PLEKHM2: variants seen among roughly 807,000 people sequenced by gnomAD.
PLEKHM2 encodes the protein pleckstrin homology domain-containing family M member 2.
In PLEKHM2, 77 loss-of-function variants were observed where a neutral mutation model predicts 116.3. That is an observed-to-expected ratio of 0.66 (90% CI 0.55 to 0.80). The LOEUF (loss-of-function observed/expected upper bound fraction) is 0.80, where lower values mean the gene tolerates loss of function less well. Ranked by LOEUF, PLEKHM2 falls within the 30% of genes least tolerant of loss-of-function variation. PLEKHM2 has a pLI of 0.00. For synonymous variants in PLEKHM2, 562 were observed against 571.0 expected, an observed-to-expected ratio of 0.98 and a Z score of 0.22; for missense variants, 1,183 against 1,354.9, an observed-to-expected ratio of 0.87 and a Z score of 1.99.
chr1:15,691,584 C>T (rs1031078350), intron 1 of PLEKHM2, among the ~76,000 whole-genome samples: 7 of 152,272 alleles, frequency 4.6e-5, no homozygotes, highest in Middle Eastern at 3.4e-3. Flanking sequence ...GCCTCACCGG[C>T]GTCGGCTCTG....
intron 1 of PLEKHM2, among the ~76,000 whole-genome samples, chr1:15,702,490 A>G (rs1291662844): frequency 1.3e-5 from 2 of 151,610 alleles, no homozygotes; most frequent in African/African-American, 2.4e-5. Context: ...ATCTCAGCTC[A>G]CTGTAACCTC....
Position 15,711,609 on chromosome 1 carries a change from T to C in PLEKHM2, c.61-4628T>C, listed in dbSNP as rs1174677339. The stretch of plus-strand genomic sequence containing the variant: ...TCCAGCCTGGGCAACAGAGCGAGGC[T>C]CCATCTCAAAAAAAAAAAAGAAAAA... On this transcript the variant is annotated intron_variant, in intron 1 of 19. Coordinates refer to ENST00000375799, the MANE Select transcript of PLEKHM2 (RefSeq NM_015164.4). 2.7e-5 allele frequency among the ~76,000 whole-genome samples: 4 copies of C among 146,194 alleles called. No homozygotes were observed. The East Asian group carries it at 8.1e-4, about 30-fold the overall frequency.
intron 7 of PLEKHM2, among the ~76,000 whole-genome samples, chr1:15,723,775 G>T (rs545176947): frequency 2.6e-4 from 39 of 151,690 alleles, no homozygotes; most frequent in African/African-American, 9.2e-4. Context: ...AAAAAGGACG[G>T]TGTGCTGCAT....
intron 1 of PLEKHM2, among the ~76,000 whole-genome samples, chr1:15,713,743 C>T (rs544169192): frequency 4.0e-5 from 6 of 151,576 alleles, no homozygotes; most frequent in African/African-American, 1.2e-4. Context: ...TCCTGCCATT[C>T]TCCTGCCTCA....
At chr1:15,722,127 G>T (rs2068003874) in intron 7 of PLEKHM2, among the ~76,000 whole-genome samples, 1 of 152,186 alleles carries the variant, frequency 6.6e-6, no homozygotes, top group African/African-American at 2.4e-5. Context: ...GCAGATCCCT[G>T]TTATTTTACT....
chr1:15,721,243 T>TA lies in PLEKHM2; in HGVS notation c.653-86_653-85insA. Reference sequence around the variant, plus strand: ...TCCTCTCCTATTTTCTCCCCATGTCTCCCACCCCATTTCCCCTCCCCTCCC... The same window carrying TA: ...TCCTCTCCTATTTTCTCCCCATGTCTACCCACCCCATTTCCCCTCCCCTCCC... On this transcript the variant is annotated intron_variant, in intron 6 of 19. Transcript: ENST00000375799. This position sits in a 1 kb window ranked among gnomAD's most constrained non-coding sequence, Gnocchi z 5.1. The TA allele has an allele frequency of 2.7e-6, 2 of 737,952 alleles. No homozygotes were observed. The highest frequency in any genetic ancestry group is 4.8e-6 in the Non-Finnish European group (2 of 419,354). The allele number at this position is 737,952 out of a possible 1,614,324, so 45.7% of individuals were successfully genotyped here. A position where few individuals can be genotyped will look rare whatever the true frequency, so the allele number is the denominator to read the frequency against.
chr1:15,716,220 G>GTTTTTTTTTTTTTTTTTTTTTTTTTTTTT lies in PLEKHM2; in HGVS notation c.61-8_61-7insTTTTTTTTTTTTTTTTTTTTTTTTTTTTT. 1 of 1,383,172 alleles carries GTTTTTTTTTTTTTTTTTTTTTTTTTTTTT rather than the reference G, an allele frequency of 7.2e-7. No homozygotes were observed. Among genetic ancestry groups the GTTTTTTTTTTTTTTTTTTTTTTTTTTTTT allele is most frequent in the South Asian group, 1.3e-5 (1 of 78,574 alleles). The allele number at this position is 1,383,172 out of a possible 1,614,324, so 85.7% of individuals were successfully genotyped here. On this transcript the variant is annotated splice_polypyrimidine_tract_variant and intron_variant, in intron 1 of 19. Coordinates refer to ENST00000375799, the MANE Select transcript of PLEKHM2 (RefSeq NM_015164.4). ...CTTAATCCATTTCTGATTTGGAGGT[G>GTTTTTTTTTTTTTTTTTTTTTTTTTTTTT]TTTTTTTTTCTTTCAGTTGCAGAGC... is the stretch of plus-strand genomic sequence containing the variant.
chr1:15,729,702 G>A lies in PLEKHM2; in HGVS notation c.2076-95G>A. On this transcript the variant is annotated intron_variant, in intron 13 of 19. Coordinates refer to ENST00000375799, the MANE Select transcript of PLEKHM2 (RefSeq NM_015164.4). The surrounding 1 kb of genome is among the most constrained non-coding windows in gnomAD (Gnocchi z 4.7). ...AGCCAGGTCTCTCCCCCAAGTTTCTGTGACCCCTCCAGGCCAGCAGCGCTC... is the reference window on the plus strand; with the variant it reads ...AGCCAGGTCTCTCCCCCAAGTTTCTATGACCCCTCCAGGCCAGCAGCGCTC... 1 of 1,167,072 alleles carries A rather than the reference G, an allele frequency of 8.6e-7. No individual in the cohort carries two copies. The highest frequency in any genetic ancestry group is 1.2e-6 in the Non-Finnish European group (1 of 825,968). 72.3% of individuals were successfully genotyped at this position (1,167,072 alleles called of 1,614,324 possible).
intron 1 of PLEKHM2, among the ~76,000 whole-genome samples, chr1:15,710,683 A>G (rs187072014): frequency 3.3e-4 from 51 of 152,336 alleles, no homozygotes; most frequent in African/African-American, 1.0e-3. Context: ...TGTTCTGCCC[A>G]TACCAAAATG....
intron 17 of PLEKHM2, 80 bp from the exon 18 acceptor site, chr1:15,732,270 G>C (rs1390801163): frequency 5.7e-6 from 7 of 1,235,314 alleles, no homozygotes; most frequent in Non-Finnish European, 6.8e-6. Context: ...AGAAGGGCTG[G>C]CTGGTCCCCT....
Position 15,725,350 on chromosome 1 carries a change from G to A in PLEKHM2, c.746G>A (p.Arg249His), listed in dbSNP as rs765918617. Residue 249 changes from arginine (R) to histidine (H), a missense_variant, in exon 8 of 20, where the codon CGC becomes CAC. By Grantham distance (29) the Arg-to-His change is conservative. Around this residue, in one of 3 missense-constraint regions of PLEKHM2, gnomAD observed 372 missense variants for 357.2 expected, o/e 1.04. Transcript: ENST00000375799. ...GDLTDTVSGP[R>H]STASDLTSSK... The stretch of plus-strand genomic sequence containing the variant: ...CTCACAGACACGGTCAGTGGTCCCC[G>A]CTCCACAGCCTCCGACCTGACCAGC... 4.2e-5 allele frequency: 65 copies of A among 1,551,146 alleles called. No homozygotes were observed. Among genetic ancestry groups the A allele is most frequent in the South Asian group, 2.1e-4 (18 of 84,068 alleles).
intron 1 of PLEKHM2, among the ~76,000 whole-genome samples, chr1:15,712,470 T>C (rs1267058205): frequency 6.6e-6 from 1 of 152,096 alleles, no homozygotes; most frequent in Non-Finnish European, 1.5e-5. Context: ...TACAGAAGCA[T>C]CCACACAGGA....
chr1:15,725,341 G>C lies in PLEKHM2; in HGVS notation c.737G>C (p.Ser246Thr). The C allele has an allele frequency of 6.4e-7, 1 of 1,551,242 alleles. No individual in the cohort carries two copies. Among genetic ancestry groups the C allele is most frequent in the Non-Finnish European group, 8.7e-7 (1 of 1,146,932 alleles). The change falls in exon 8 of 20, where the codon AGT becomes ACT. Residue 246 changes from serine to threonine, a missense_variant. Ser to Thr is a moderately conservative substitution (Grantham distance 58, BLOSUM62 1). Around this residue, in one of 3 missense-constraint regions of PLEKHM2, gnomAD observed 372 missense variants for 357.2 expected, o/e 1.04. Transcript: ENST00000375799. ...GATGGAGACCTCACAGACACGGTCA[G>C]TGGTCCCCGCTCCACAGCCTCCGAC... ...WEDGDLTDTV[S>T]GPRSTASDLT...
Position 15,719,199 on chromosome 1 carries a change from C to G in PLEKHM2, c.466-535C>G, listed in dbSNP as rs1410004928. Among the ~76,000 whole-genome samples the G allele has an allele frequency of 6.6e-6, 1 of 152,182 alleles. No homozygotes were observed. The highest frequency in any genetic ancestry group is 1.5e-5 in the Non-Finnish European group (1 of 68,038). ...GCGCAGTGGCTCACACCTATAATCC[C>G]AGCACTTTGGGAGGCTGAGGTGGGT... On this transcript the variant is annotated intron_variant, in intron 5 of 19. Transcript: ENST00000375799. The surrounding 1 kb of genome is among the most constrained non-coding windows in gnomAD (Gnocchi z 4.1).
rs189995264 is a variant in PLEKHM2 at position 15,697,941 on chromosome 1, C to T, written c.60+13323C>T. On this transcript the variant is annotated intron_variant, in intron 1 of 19. Transcript: ENST00000375799. ...CAGAAGGACTAATGAGCAGTAATTT[C>T]GGAGGTGGGCAAAGAAACCTGTGCA... Among the ~76,000 whole-genome samples, 169 of 152,220 alleles carry T rather than the reference C, an allele frequency of 1.1e-3. 2 individuals carry two copies. Among genetic ancestry groups the T allele is most frequent in the Non-Finnish European group, 1.7e-3 (119 of 68,026 alleles).
At chr1:15,724,448 G>A (rs116607867) in intron 7 of PLEKHM2, among the ~76,000 whole-genome samples, 2,039 of 151,464 alleles carry the variant, frequency 0.013, 39 homozygotes, top group African/African-American at 0.042. Context: ...GCGCCACTGC[G>A]CTTCAGCCTG....
At position 15,721,790 on chromosome 1, in the gene PLEKHM2, C is replaced by T. The variant is rs2068000448; in HGVS notation, c.712+402C>T. Among the ~76,000 whole-genome samples, 1 of 152,216 alleles carries T rather than the reference C, an allele frequency of 6.6e-6. No homozygotes were observed. Among genetic ancestry groups the T allele is most frequent in the Admixed American group, 6.5e-5 (1 of 15,280 alleles). The stretch of plus-strand genomic sequence containing the variant: ...AAGCTCCTGCGGGTCAGATGAGCAT[C>T]GAAGAGAAAGAGCTTGATTCTTTCA... On this transcript the variant is annotated intron_variant, in intron 7 of 19. Coordinates refer to ENST00000375799, the MANE Select transcript of PLEKHM2 (RefSeq NM_015164.4). This position sits in a 1 kb window ranked among gnomAD's most constrained non-coding sequence, Gnocchi z 5.1.
chr1:15,691,682 A>T (rs1640890976), intron 1 of PLEKHM2, among the ~76,000 whole-genome samples: 1 of 152,202 alleles, frequency 6.6e-6, no homozygotes, highest in Non-Finnish European at 1.5e-5. Flanking sequence ...GGCGCTGGTG[A>T]ATGAGCCACA....
At position 15,729,765 on chromosome 1, in the gene PLEKHM2, G is replaced by A; in HGVS notation, c.2076-32G>A. On this transcript the variant is annotated intron_variant, in intron 13 of 19. Coordinates refer to ENST00000375799, the MANE Select transcript of PLEKHM2 (RefSeq NM_015164.4). The surrounding 1 kb of genome is among the most constrained non-coding windows in gnomAD (Gnocchi z 4.7). ...TGTCCAGTTGAGGCCCTGTTCCCAG[G>A]CCTCTAACCACAAACCTCACTCCCT... 3 of 1,589,078 alleles carry A rather than the reference G, an allele frequency of 1.9e-6. No homozygotes were observed. The highest frequency in any genetic ancestry group is 2.6e-6 in the Non-Finnish European group (3 of 1,168,974).
Sources: gnomAD v4.1 joint callset for allele counts (sites outside exome capture counted in the v4.1 genomes callset) on GRCh38, gnomAD v4.1.1 for gene constraint, gnomAD v4.1.1 regional missense constraint, Gnocchi (gnomAD v3.1) non-coding constraint, MANE v1.5 for transcripts, NCBI Gene and HGNC (gene_info 2026-07-23, HGNC 2026-07-21) for gene names.